Variants in MED25 observed in about 807,000 individuals in gnomAD.
MED25 encodes mediator complex subunit 25, also known as mediator of RNA polymerase II transcription subunit 25.
MED25 carries 62 observed loss-of-function variants against 89.4 expected under a neutral mutation model. The observed-to-expected ratio is 0.69, with a 90% CI of 0.57 to 0.86. The LOEUF (loss-of-function observed/expected upper bound fraction) is 0.86. Ranked by LOEUF, MED25 falls within the 40% of genes least tolerant of loss-of-function variation. The pLI is 0.00. For synonymous variants in MED25, 449 were observed against 427.9 expected, an observed-to-expected ratio of 1.05 and a Z score of -0.61; for missense variants, 905 against 1,005.2, an observed-to-expected ratio of 0.90 and a Z score of 1.35.
chr19:49,825,700 G>A (rs979978514), intron 3 of MED25, among the ~76,000 whole-genome samples: 1 of 151,834 alleles, frequency 6.6e-6, no homozygotes, highest in Non-Finnish European at 1.5e-5. Context: ...GCGTGGTGCC[G>A]CATGCCTGTA....
In MED25 at chr19:49,830,149, C is replaced by A; in HGVS notation, c.750C>A (p.Ala250=). 1 of 1,604,766 alleles carries A rather than the reference C, an allele frequency of 6.2e-7. No homozygotes were observed. Among genetic ancestry groups the A allele is most frequent in the Non-Finnish European group, 8.5e-7 (1 of 1,173,424 alleles). Residue 250 remains alanine (A), a synonymous_variant, in exon 7 of 18, where the codon GCC becomes GCA. Coordinates refer to ENST00000312865, the MANE Select transcript of MED25 (RefSeq NM_030973.4). This position sits in a 1 kb window ranked among gnomAD's most constrained non-coding sequence, Gnocchi z 4.6. ...QSKQPVPLPP[A]APSGATLSAA... ...AGCAGCCAGTCCCCCTGCCTCCCGC[C>A]GCACCCTCAGGTGCCACTCTCTCAG...
At position 49,830,674 on chromosome 19, in the gene MED25, T is replaced by G; in HGVS notation, c.908-20T>G. 6.2e-7 allele frequency: 1 copy of G among 1,613,728 alleles called. No individual in the cohort carries two copies. The highest frequency in any genetic ancestry group is 1.3e-5 in the African/African-American group (1 of 74,968). ...CTCCACACACTTGTTCCCCACTTCT[T>G]CCCTTGGTCTCTCCCACAGTCTCGC... On this transcript the variant is annotated intron_variant, in intron 8 of 17. Transcript: ENST00000312865. The surrounding 1 kb of genome is among the most constrained non-coding windows in gnomAD (Gnocchi z 4.6).
At position 49,831,893 on chromosome 19, in the gene MED25, G is replaced by T. The variant is rs1484053572; in HGVS notation, c.1231-43G>T. ...GACATGAGGGCTCAAGGGGACTGAGGCTTATGGCCCTTTTTACTGACATGC... is the reference window on the plus strand; with the variant it reads ...GACATGAGGGCTCAAGGGGACTGAGTCTTATGGCCCTTTTTACTGACATGC... On this transcript the variant is annotated intron_variant, in intron 10 of 17. Coordinates refer to ENST00000312865, the MANE Select transcript of MED25 (RefSeq NM_030973.4). The surrounding 1 kb of genome is among the most constrained non-coding windows in gnomAD (Gnocchi z 5.0). 2 of 1,567,804 alleles carry T rather than the reference G, an allele frequency of 1.3e-6. No individual in the cohort carries two copies. The highest frequency in any genetic ancestry group is 2.2e-5 in the South Asian group (2 of 90,140).
At chr19:49,822,223 A>T (rs1458215022) in intron 3 of MED25, among the ~76,000 whole-genome samples, 1 of 146,480 alleles carries the variant, frequency 6.8e-6, no homozygotes, top group Admixed American at 7.0e-5. Context: ...AGATTGCACC[A>T]CTGCACTCCA....
At position 49,834,012 on chromosome 19, in the gene MED25, A is replaced by G. The variant is rs970575064; in HGVS notation, c.1483-974A>G. On this transcript the variant is annotated intron_variant, in intron 13 of 17. Coordinates refer to ENST00000312865, the MANE Select transcript of MED25 (RefSeq NM_030973.4). This position sits in a 1 kb window ranked among gnomAD's most constrained non-coding sequence, Gnocchi z 4.1. Reference sequence around the variant, plus strand: ...CTGTGGTTCTCTTGGCCTCTCCTTTATAGTCACAAGGTAGCTCTCATGGCT... The same window carrying G: ...CTGTGGTTCTCTTGGCCTCTCCTTTGTAGTCACAAGGTAGCTCTCATGGCT... The G allele has an allele frequency of 3.9e-5, 6 of 152,262 alleles. No individual in the cohort carries two copies. The highest frequency in any genetic ancestry group is 1.2e-4 in the African/African-American group (5 of 41,450). The allele number at this position is 152,262 out of a possible 1,614,324, so 9.4% of individuals were successfully genotyped here. A position where few individuals can be genotyped will look rare whatever the true frequency, so the allele number is the denominator to read the frequency against.
chr19:49,819,762 T>G (rs1363740405), intron 3 of MED25: 3 of 314,850 alleles, frequency 9.5e-6, no homozygotes, highest in Non-Finnish European at 1.8e-5. Context: ...ATGGGTACAT[T>G]GTAGCCTCAG....
rs1047789193 is a variant in MED25 at position 49,836,115 on chromosome 19, GA to G, written c.1966-109del. ...TCCTCTCCGTCCATCCCCCACCTTT[GA>G]AGAAAAACTTCCCCTCACCACTAGC... is the stretch of plus-strand genomic sequence containing the variant. On this transcript the variant is annotated intron_variant, in intron 16 of 17. Transcript: ENST00000312865. This position sits in a 1 kb window ranked among gnomAD's most constrained non-coding sequence, Gnocchi z 5.1. 5.7e-5 allele frequency: 86 copies of G among 1,518,340 alleles called. No homozygotes were observed. Among genetic ancestry groups the G allele is most frequent in the Non-Finnish European group, 7.1e-5 (79 of 1,114,012 alleles). 94.1% of individuals were successfully genotyped at this position (1,518,340 alleles called of 1,614,324 possible). A position where few individuals can be genotyped will look rare whatever the true frequency, so the allele number is the denominator to read the frequency against.
Position 49,819,244 on chromosome 19 carries a change from CA to C in MED25, c.254del (p.His85ProfsTer129). The C allele has an allele frequency of 6.2e-7, 1 of 1,614,210 alleles. No homozygotes were observed. Among genetic ancestry groups the C allele is most frequent in the Non-Finnish European group, 8.5e-7 (1 of 1,180,038 alleles). On this transcript the variant is annotated frameshift_variant, in exon 3 of 18. Coordinates refer to ENST00000312865, the MANE Select transcript of MED25 (RefSeq NM_030973.4). LOFTEE classifies it high-confidence loss of function. ...DCAPESYVQC[H>X]APTSSAYEFV... ...CGCTCCCGAGTCCTACGTACAATGT[CA>C]CGCTCCCACCAGCAGCGCCTATGAG...
intron 3 of MED25, among the ~76,000 whole-genome samples, chr19:49,827,224 C>T (rs887238754): frequency 2.6e-5 from 4 of 152,170 alleles, no homozygotes; most frequent in Admixed American, 2.6e-4. Context: ...ACCACAGCTG[C>T]CCTTGAGGAG....
chr19:49,830,643 G>A lies in MED25; in HGVS notation c.907+45G>A, dbSNP rs758948092. ...TGAAGGGCGGGCAGGGGCCAGGCAG[G>A]CCTCTCTCCACACACTTGTTCCCCA... is the stretch of plus-strand genomic sequence containing the variant. On this transcript the variant is annotated intron_variant, in intron 8 of 17. Transcript: ENST00000312865. This position sits in a 1 kb window ranked among gnomAD's most constrained non-coding sequence, Gnocchi z 4.6. The A allele has an allele frequency of 1.2e-6, 2 of 1,612,702 alleles. No individual in the cohort carries two copies. The highest frequency in any genetic ancestry group is 1.7e-4 in the Middle Eastern group (1 of 6,060).
At position 49,836,925 on chromosome 19, in the gene MED25, T is replaced by A; in HGVS notation, c.2225T>A (p.Ile742Asn). The change falls in exon 18 of 18, where the codon ATC (isoleucine) becomes AAC (asparagine). Residue 742 changes from isoleucine to asparagine, a missense_variant. Transcript: ENST00000312865. The surrounding 1 kb of genome is among the most constrained non-coding windows in gnomAD (Gnocchi z 5.1). ...GLQPSVMEDD[I>N]LMDLI ...CAGCCCAGCGTCATGGAGGACGACATCCTCATGGATCTCATCTGAATCCCC... is the reference window on the plus strand; with the variant it reads ...CAGCCCAGCGTCATGGAGGACGACAACCTCATGGATCTCATCTGAATCCCC... 1 of 1,612,972 alleles carries A rather than the reference T, an allele frequency of 6.2e-7. No homozygotes were observed. Among genetic ancestry groups the A allele is most frequent in the Non-Finnish European group, 8.5e-7 (1 of 1,179,752 alleles).
At position 49,818,968 on chromosome 19, in the gene MED25, G is replaced by A. The variant is rs1035511823; in HGVS notation, c.181-204G>A. 4.6e-6 allele frequency: 3 copies of A among 653,452 alleles called. No individual in the cohort carries two copies. In the African/African-American group the frequency reaches 5.6e-5, roughly 12 times the overall value. The allele number at this position is 653,452 out of a possible 1,614,324, so 40.5% of individuals were successfully genotyped here. ...AGGAGGTGCTGGGGCCTGGGCTCCT[G>A]GGTCTGAGGGAGGAGGGGCCGGGGG... is the stretch of plus-strand genomic sequence containing the variant. On this transcript the variant is annotated intron_variant, in intron 2 of 17. Transcript: ENST00000312865.
intron 3 of MED25, among the ~76,000 whole-genome samples, chr19:49,827,629 G>T (rs1394420010): frequency 6.6e-6 from 1 of 152,124 alleles, no homozygotes; most frequent in Non-Finnish European, 1.5e-5. Context: ...AATTTAACTC[G>T]ATTACCTGTG....
intron 3 of MED25, among the ~76,000 whole-genome samples, chr19:49,828,216 G>A (rs1261153015): frequency 1.5e-4 from 23 of 149,968 alleles, no homozygotes; most frequent in Middle Eastern, 3.5e-3. Context: ...GCGACAGAGC[G>A]AGACTCCATC....
At position 49,831,181 on chromosome 19, in the gene MED25, A is replaced by G; in HGVS notation, c.1102-152A>G. ...TCCTCGAATCCTGCAAGGTCCAAGC[A>G]TTTGGGGTCCTGCGGCTGGCCAAGT... On this transcript the variant is annotated intron_variant, in intron 9 of 17. Coordinates refer to ENST00000312865, the MANE Select transcript of MED25 (RefSeq NM_030973.4). The surrounding 1 kb of genome is among the most constrained non-coding windows in gnomAD (Gnocchi z 5.0). The G allele has an allele frequency of 2.4e-6, 2 of 849,594 alleles. No homozygotes were observed. The highest frequency in any genetic ancestry group is 3.3e-5 in the South Asian group (2 of 60,430). The allele number at this position is 849,594 out of a possible 1,614,324, so 52.6% of individuals were successfully genotyped here.
At chr19:49,827,587 A>G (rs2123874575) in intron 3 of MED25, among the ~76,000 whole-genome samples, 1 of 151,932 alleles carries the variant, frequency 6.6e-6, no homozygotes, top group South Asian at 2.1e-4. Flanking sequence ...TCTCCTTTTC[A>G]CAGACACCAG....
chr19:49,820,918 G>A (rs1307621758), intron 3 of MED25, among the ~76,000 whole-genome samples: 1 of 152,168 alleles, frequency 6.6e-6, no homozygotes, highest in Non-Finnish European at 1.5e-5. Context: ...TGTGAAGTGG[G>A]GATGTGGATA....
In MED25 at chr19:49,824,533, C is replaced by A. The variant is rs1229834772; in HGVS notation, c.306-3916C>A. ...CTGGGAGGCAGAGGTTGCAGTGAGC[C>A]GAGATTGTGCCACCGCACTCCAGCC... On this transcript the variant is annotated intron_variant, in intron 3 of 17. Transcript: ENST00000312865. 2.0e-5 allele frequency among the ~76,000 whole-genome samples: 3 copies of A among 149,498 alleles called. No individual in the cohort carries two copies. In the Admixed American group the frequency reaches 2.0e-4, roughly 10 times the overall value.
intron 11 of MED25, 31 bp from the exon 12 acceptor site, chr19:49,832,069 C>T (rs921015866): frequency 5.6e-6 from 9 of 1,613,790 alleles, no homozygotes; most frequent in African/African-American, 2.7e-5. Context: ...GGCTGGCCCC[C>T]TCCTCACACC....
Sources: gnomAD v4.1 joint callset for allele counts (sites outside exome capture counted in the v4.1 genomes callset) on GRCh38, gnomAD v4.1.1 for gene constraint, Gnocchi (gnomAD v3.1) non-coding constraint, MANE v1.5 for transcripts, NCBI Gene and HGNC (gene_info 2026-07-23, HGNC 2026-07-21) for gene names.